SPOCK3: variants seen among roughly 807,000 people sequenced by gnomAD.
SPOCK3 encodes the protein testican-3.
In SPOCK3, 30 loss-of-function variants were observed where a neutral mutation model predicts 56.6. That is an observed-to-expected ratio of 0.53 (90% confidence interval 0.40 to 0.72). The LOEUF (loss-of-function observed/expected upper bound fraction) is 0.72. Ranked by LOEUF, SPOCK3 falls within the 30% of genes least tolerant of loss-of-function variation. SPOCK3 has a pLI of 0.00. For synonymous variants in SPOCK3, 196 were observed against 183.3 expected (o/e 1.07, Z -0.56); for missense variants, 527 against 530.0 (o/e 0.99, Z 0.06).
chr4:166,925,561 A>G (rs1412848588), intron 4 of SPOCK3, among the ~76,000 whole-genome samples: 1 of 152,170 alleles, frequency 6.6e-6, no homozygotes, highest in Non-Finnish European at 1.5e-5. Flanking sequence ...CAATCTAGAC[A>G]TATTAATATC....
At chr4:167,039,791 G>T (rs1285076283) in intron 3 of SPOCK3, among the ~76,000 whole-genome samples, 1 of 151,994 alleles carries the variant, frequency 6.6e-6, no homozygotes, top group Non-Finnish European at 1.5e-5. Flanking sequence ...AATGTATAGC[G>T]AAAACATTTT....
chr4:166,969,858 C>T (rs911584177), intron 4 of SPOCK3, among the ~76,000 whole-genome samples: 1 of 152,022 alleles, frequency 6.6e-6, no homozygotes, highest in Admixed American at 6.6e-5. Context: ...ATAGCCATTG[C>T]CTATTATGTC....
At chr4:167,050,855 G>A (rs1402607271) in intron 3 of SPOCK3, among the ~76,000 whole-genome samples, 1 of 152,164 alleles carries the variant, frequency 6.6e-6, no homozygotes, top group African/African-American at 2.4e-5. Context: ...CAAATTCAAA[G>A]AAACAGAAAG....
intron 4 of SPOCK3, among the ~76,000 whole-genome samples, chr4:166,965,071 T>C (rs1335881613): frequency 6.6e-6 from 1 of 151,960 alleles, no homozygotes; most frequent in Admixed American, 6.6e-5. Context: ...TGTGTTTTAG[T>C]GGACTAATGA....
At chr4:166,885,239 T>G (rs920303085) in intron 6 of SPOCK3, among the ~76,000 whole-genome samples, 1 of 150,288 alleles carries the variant, frequency 6.7e-6, no homozygotes, top group African/African-American at 2.5e-5. Context: ...TCATCTAGTA[T>G]CCTTGCTGGG....
chr4:167,217,071 A>G (rs1735434065), intron 2 of SPOCK3, among the ~76,000 whole-genome samples: 1 of 152,140 alleles, frequency 6.6e-6, no homozygotes, highest in South Asian at 2.1e-4. Context: ...ACAAAAAACA[A>G]TTTGTTAAAC....
At chr4:167,192,776 C>A (rs545152780) in intron 2 of SPOCK3, among the ~76,000 whole-genome samples, 1 of 145,616 alleles carries the variant, frequency 6.9e-6, no homozygotes, top group Non-Finnish European at 1.5e-5. Context: ...TGCTGCCTCC[C>A]GTAACTTTTG....
chr4:166,920,720 C>T (rs891804659), intron 4 of SPOCK3, among the ~76,000 whole-genome samples: 7 of 151,952 alleles, frequency 4.6e-5, no homozygotes, highest in South Asian at 4.1e-4. Flanking sequence ...AATGCCTAAG[C>T]GCAACATTTC....
chr4:166,912,577 A>G (rs1737401861), intron 5 of SPOCK3, 43 bp downstream of exon 5: 1 of 1,565,404 alleles, frequency 6.4e-7, no homozygotes, highest in Non-Finnish European at 8.8e-7. Context: ...ACTAATAAGT[A>G]TGCATCCCTT....
rs1375366762 is a variant in SPOCK3 at position 167,193,624 on chromosome 4, G to A, written c.189+40361C>T. ...ACTATATATTTGTCTTTATCAGTGA[G>A]CTCAGTTTTACCATATATAGTATTC... On this transcript the variant is annotated intron_variant, in intron 2 of 10. Transcript: ENST00000357545. Among the ~76,000 whole-genome samples, 2 of 145,638 alleles carry A rather than the reference G, an allele frequency of 1.4e-5. 1 individual carries two copies. The highest frequency in any genetic ancestry group is 4.1e-4 in the East Asian group (2 of 4,834).
At chr4:167,118,959 A>C (rs1253428578) in intron 2 of SPOCK3, among the ~76,000 whole-genome samples, 1 of 152,022 alleles carries the variant, frequency 6.6e-6, no homozygotes, top group East Asian at 1.9e-4. Context: ...TGATTATTTC[A>C]GACTCTCACT....
chr4:167,188,117 G>A (rs1202676425), intron 2 of SPOCK3, among the ~76,000 whole-genome samples: 1 of 128,472 alleles, frequency 7.8e-6, no homozygotes, highest in Non-Finnish European at 1.6e-5. Flanking sequence ...CAAAGTAGTG[G>A]AGGTTCACGA....
intron 3 of SPOCK3, among the ~76,000 whole-genome samples, chr4:167,052,122 A>G (rs1754279675): frequency 6.6e-6 from 1 of 152,194 alleles, no homozygotes; most frequent in Non-Finnish European, 1.5e-5. Context: ...ATGTACCTTC[A>G]TTTGGTATAG....
At chr4:167,062,618 GA>G in intron 2 of SPOCK3, 81 bp from the exon 3 acceptor site, 1 of 1,087,358 alleles carries the variant, frequency 9.2e-7, no homozygotes, top group Non-Finnish European at 1.4e-6. Flanking sequence ...AATTAAATAT[GA>G]AACACAGAAG....
chr4:167,131,797 G>T (rs938893650), intron 2 of SPOCK3, among the ~76,000 whole-genome samples: 3 of 152,216 alleles, frequency 2.0e-5, no homozygotes, highest in Admixed American at 1.3e-4. Context: ...AGCTTGAATA[G>T]AATTTTTTTA....
At chr4:166,971,556 T>C (rs1042565248) in intron 4 of SPOCK3, among the ~76,000 whole-genome samples, 5 of 152,008 alleles carry the variant, frequency 3.3e-5, no homozygotes, top group Non-Finnish European at 7.4e-5. Flanking sequence ...AAAGATAATT[T>C]AAAGTATTTA....
At chr4:167,109,536 A>ATATAT (rs1377318422) in intron 2 of SPOCK3, among the ~76,000 whole-genome samples, 1 of 129,158 alleles carries the variant, frequency 7.7e-6, no homozygotes, top group Non-Finnish European at 1.6e-5. Context: ...TTTTATATAA[A>ATATAT]TATAACTATA....
intron 2 of SPOCK3, among the ~76,000 whole-genome samples, chr4:167,090,572 C>T (rs1224079653): frequency 1.3e-5 from 2 of 151,652 alleles, no homozygotes; most frequent in African/African-American, 2.4e-5. Flanking sequence ...GGCGAGATCT[C>T]GGCTCACCAC....
intron 2 of SPOCK3, among the ~76,000 whole-genome samples, chr4:167,222,138 A>G (rs1413122865): frequency 2.0e-5 from 3 of 152,116 alleles, no homozygotes; most frequent in Non-Finnish European, 2.9e-5. Context: ...GAAAAAGGAA[A>G]CCCTGTCACA....
Sources: allele counts gnomAD v4.1 joint callset (sites outside exome capture counted in the v4.1 genomes callset), GRCh38; gene constraint gnomAD v4.1.1; transcripts MANE v1.5; gene names NCBI Gene and HGNC (gene_info 2026-07-23, HGNC 2026-07-21).